SLC38A12: variants seen among roughly 807,000 people sequenced by gnomAD.
SLC38A12 encodes putative sodium-coupled neutral amino acid transporter 12.
chr17:74,802,811 C>G, the SLC38A12 span, among the ~76,000 whole-genome samples: 48 of 152,226 alleles, frequency 3.2e-4, no homozygotes, highest in Admixed American at 6.5e-4. Context: ...TTTCTTTACC[C>G]CATCTCCATT....
the SLC38A12 span, among the ~76,000 whole-genome samples, chr17:74,789,052 C>T: frequency 6.6e-6 from 1 of 152,208 alleles, no homozygotes; most frequent in African/African-American, 2.4e-5. Context: ...ACAAATGGAG[C>T]CTCTGCCACT....
At chr17:74,829,129 T>G in the SLC38A12 span, among the ~76,000 whole-genome samples, 1 of 152,198 alleles carries the variant, frequency 6.6e-6, no homozygotes, top group African/African-American at 2.4e-5. The surrounding 1 kb of genome is among the most constrained non-coding windows in gnomAD (Gnocchi z 4.1). Context: ...GCTAAGTCTT[T>G]TTTTTCTTTT....
chr17:74,797,076 G>C, the SLC38A12 span, among the ~76,000 whole-genome samples: 1 of 152,198 alleles, frequency 6.6e-6, no homozygotes, highest in African/African-American at 2.4e-5. Flanking sequence ...TTGCTGGGGA[G>C]GCTGCTGGAA....
the SLC38A12 span, chr17:74,795,501 C>T: frequency 1.2e-6 from 2 of 1,608,688 alleles, no homozygotes; most frequent in Non-Finnish European, 8.5e-7. Flanking sequence ...TGAGCCTGGG[C>T]CTGCTGTCAT....
At chr17:74,818,111 C>T in the SLC38A12 span, among the ~76,000 whole-genome samples, 2 of 152,162 alleles carry the variant, frequency 1.3e-5, no homozygotes, top group Non-Finnish European at 2.9e-5. Flanking sequence ...GATGGTGCTG[C>T]GTACAGACCT....
chr17:74,829,068 A>C, the SLC38A12 span, among the ~76,000 whole-genome samples: 1 of 152,142 alleles, frequency 6.6e-6, no homozygotes, highest in East Asian at 1.9e-4. This position sits in a 1 kb window ranked among gnomAD's most constrained non-coding sequence, Gnocchi z 4.1. Flanking sequence ...AATATCTTTC[A>C]ACATGTAATG....
the SLC38A12 span, chr17:74,819,804 A>G: frequency 1.2e-6 from 2 of 1,614,220 alleles, no homozygotes. Flanking sequence ...CCAGAAGACC[A>G]AGTACCTGCA....
the SLC38A12 span, chr17:74,777,485 T>C: frequency 6.4e-7 from 1 of 1,572,742 alleles, no homozygotes; most frequent in South Asian, 1.1e-5. Context: ...GAGCAGACCA[T>C]AGTGGAAGCA....
chr17:74,792,620 C>T, the SLC38A12 span, among the ~76,000 whole-genome samples: 1 of 152,222 alleles, frequency 6.6e-6, no homozygotes, highest in African/African-American at 2.4e-5. Context: ...GGCTGCCCTA[C>T]CAGTTCTTTC....
At chr17:74,790,875 A>C in the SLC38A12 span, 3 of 1,280,788 alleles carry the variant, frequency 2.3e-6, no homozygotes, top group Non-Finnish European at 3.4e-6. Context: ...TGGTTTAGAT[A>C]ATTCAGTGAG....
At chr17:74,823,328 T>C in the SLC38A12 span, among the ~76,000 whole-genome samples, 1 of 152,218 alleles carries the variant, frequency 6.6e-6, no homozygotes, top group African/African-American at 2.4e-5. Context: ...AATTAGGAAT[T>C]AGTTCTGCCA....
chr17:74,790,881 G>T, the SLC38A12 span: 1 of 1,365,408 alleles, frequency 7.3e-7, no homozygotes, highest in East Asian at 2.3e-5. Flanking sequence ...AGATAATTCA[G>T]TGAGGTCCTC....
the SLC38A12 span, among the ~76,000 whole-genome samples, chr17:74,821,465 G>T: frequency 6.6e-6 from 1 of 152,198 alleles, no homozygotes; most frequent in Admixed American, 6.5e-5. Flanking sequence ...GGGAAGATGG[G>T]AGTTGTTACT....
chr17:74,816,875 A>G, the SLC38A12 span, among the ~76,000 whole-genome samples: 1 of 152,162 alleles, frequency 6.6e-6, no homozygotes, highest in Admixed American at 6.5e-5. Context: ...CCAAGAGAGT[A>G]GGCTGTCTCT....
At chr17:74,823,932 G>T in the SLC38A12 span, among the ~76,000 whole-genome samples, 1 of 152,278 alleles carries the variant, frequency 6.6e-6, no homozygotes, top group Non-Finnish European at 1.5e-5. Flanking sequence ...CTTGAATGGG[G>T]CCGTGTTGTT....
At chr17:74,836,080 C>T in the SLC38A12 span, 1 of 1,613,790 alleles carries the variant, frequency 6.2e-7, no homozygotes, top group African/African-American at 1.3e-5. The surrounding 1 kb of genome is among the most constrained non-coding windows in gnomAD (Gnocchi z 4.2). Context: ...TCCCTCATTA[C>T]CCCCGTCTCC....
the SLC38A12 span, among the ~76,000 whole-genome samples, chr17:74,817,576 G>C: frequency 3.3e-5 from 5 of 152,288 alleles, no homozygotes; most frequent in East Asian, 9.6e-4. Context: ...AGGTACATCT[G>C]ATTAAATAGA....
the SLC38A12 span, among the ~76,000 whole-genome samples, chr17:74,786,646 T>C: frequency 1.3e-5 from 2 of 151,896 alleles, no homozygotes; most frequent in Admixed American, 6.6e-5. Context: ...AGGGAGTGGG[T>C]GCGGGCGGAA....
At chr17:74,829,574 C>T in the SLC38A12 span, among the ~76,000 whole-genome samples, 43 of 152,230 alleles carry the variant, frequency 2.8e-4, no homozygotes, top group Non-Finnish European at 4.3e-4. This position sits in a 1 kb window ranked among gnomAD's most constrained non-coding sequence, Gnocchi z 4.1. Flanking sequence ...AGAGCGTGGG[C>T]GGCATTCAGG....
Sources: gnomAD v4.1 joint callset for allele counts (sites outside exome capture counted in the v4.1 genomes callset) on GRCh38, gnomAD v4.1.1 for gene constraint, Gnocchi (gnomAD v3.1) non-coding constraint, MANE v1.5 for transcripts, NCBI Gene and HGNC (gene_info 2026-07-23, HGNC 2026-07-21) for gene names.